The following RSPH6A variants were observed in gnomAD, a reference collection of about 807,000 sequenced individuals.
RSPH6A encodes radial spoke head 6 homolog A.
Under a neutral mutation model 66.1 loss-of-function variants are expected in RSPH6A, and 49 were observed. The ratio of observed to expected loss-of-function variants is 0.74; its 90% CI spans 0.59 to 0.94. The LOEUF (loss-of-function observed/expected upper bound fraction) is 0.94, where lower values mean the gene tolerates loss of function less well. Among genes scored for constraint, RSPH6A ranks in the 40% least tolerant of loss-of-function variants. The probability of loss-of-function intolerance (pLI) is 0.00; values close to 1 mark genes in which losing one functional copy is unlikely to be tolerated. For missense variants in RSPH6A, 977 were observed against 948.3 expected (o/e 1.03, Z -0.40); for synonymous variants, 419 against 402.4 (o/e 1.04, Z -0.49).
chr19:45,805,805 C>T (rs1970536810), intron 2 of RSPH6A, among the ~76,000 whole-genome samples: 1 of 152,018 alleles, frequency 6.6e-6, no homozygotes, highest in African/African-American at 2.4e-5. Flanking sequence ...CAGGATGTCC[C>T]TGATGGAGAA....
Position 45,815,228 on chromosome 19 carries a change from C to A in RSPH6A, c.-52G>T, listed in dbSNP as rs779845890. 20 of 1,481,170 alleles carry A rather than the reference C, an allele frequency of 1.4e-5. No individual in the cohort carries two copies. Among genetic ancestry groups the A allele is most frequent in the Non-Finnish European group, 1.8e-5 (20 of 1,118,862 alleles). 91.8% of individuals were successfully genotyped at this position (1,481,170 alleles called of 1,614,324 possible). A position where few individuals can be genotyped will look rare whatever the true frequency, so the allele number is the denominator to read the frequency against. On this transcript the variant is annotated 5_prime_UTR_variant, in exon 1 of 6. Coordinates refer to ENST00000221538, the MANE Select transcript of RSPH6A (RefSeq NM_030785.4). ...GGAGAAAGGCTTGCAGACAAGGAGG[C>A]CAAGCGAGAGCCACCTGTCGACACC...
intron 2 of RSPH6A, among the ~76,000 whole-genome samples, chr19:45,808,673 T>A (rs1371461198): frequency 6.7e-6 from 1 of 149,078 alleles, no homozygotes; most frequent in East Asian, 2.0e-4. Flanking sequence ...TTTTTTTTTT[T>A]TTTTTTTAGA....
At chr19:45,802,033 G>T in intron 4 of RSPH6A, 87 bp downstream of exon 4, 1 of 1,284,348 alleles carries the variant, frequency 7.8e-7, no homozygotes, top group Non-Finnish European at 1.0e-6. Context: ...AAGGACCGGG[G>T]AGATGGACCC....
At position 45,804,720 on chromosome 19, in the gene RSPH6A, G is replaced by C; in HGVS notation, c.1185C>G (p.Asp395Glu). The stretch of plus-strand genomic sequence containing the variant: ...GGACGATGTCCACGGCCTTCTCCTC[G>C]TCCTCCTCGCCCTCCTCCTCGCCGT... ...EAHGEEEGEEDEEKAVDIVPK... is the reference protein window; with the variant it reads ...EAHGEEEGEEEEEKAVDIVPK... Residue 395 changes from aspartate (D) to glutamate (E), a missense_variant, in exon 3 of 6, where the codon GAC becomes GAG. Transcript: ENST00000221538. The surrounding 1 kb of genome is among the most constrained non-coding windows in gnomAD (Gnocchi z 5.8). 1 of 1,612,506 alleles carries C rather than the reference G, an allele frequency of 6.2e-7. No homozygotes were observed. The highest frequency in any genetic ancestry group is 8.5e-7 in the Non-Finnish European group (1 of 1,179,510).
chr19:45,796,158 G>A, intron 5 of RSPH6A, 52 bp from the exon 6 acceptor site: 2 of 1,133,336 alleles, frequency 1.8e-6, no homozygotes, highest in Non-Finnish European at 2.4e-6. Context: ...CCCCAGACTT[G>A]ACTTTTTTTT....
In RSPH6A at chr19:45,804,001, AAAAAAGAAAAG is replaced by A. The variant is rs1459610281; in HGVS notation, c.1653+240_1653+250del. Among the ~76,000 whole-genome samples the A allele has an allele frequency of 4.9e-4, 74 of 151,968 alleles. No individual in the cohort carries two copies. The highest frequency in any genetic ancestry group is 9.3e-4 in the Non-Finnish European group (63 of 67,982). Reference sequence around the variant, plus strand: ...AGAGCGAGACTCTGTCTCAAAAAAAAAAAAAGAAAAGAAAAGAAAAGAAAAAGAAAAAAAAG... The same window carrying A: ...AGAGCGAGACTCTGTCTCAAAAAAAAAAAAGAAAAGAAAAAGAAAAAAAAG... On this transcript the variant is annotated intron_variant, in intron 3 of 5. Coordinates refer to ENST00000221538, the MANE Select transcript of RSPH6A (RefSeq NM_030785.4). The surrounding 1 kb of genome is among the most constrained non-coding windows in gnomAD (Gnocchi z 5.8).
chr19:45,804,915 C>T lies in RSPH6A; in HGVS notation c.990G>A (p.Met330Ile). The T allele has an allele frequency of 6.2e-7, 1 of 1,614,234 alleles. No homozygotes were observed. The highest frequency in any genetic ancestry group is 1.3e-5 in the African/African-American group (1 of 75,064). ...TGGGCTGCTGCTCCACCAGCTGTTT[C>T]ATGGCCAGGAAAATGCGGAAGCTCT... The part of the protein sequence containing the change: ...SDESFRIFLA[M>I]KQLVEQQPIH... The change falls in exon 3 of 6, where the codon ATG (methionine) becomes ATA (isoleucine). Residue 330 changes from methionine to isoleucine, a missense_variant. By Grantham distance (10) the Met-to-Ile change is conservative (BLOSUM62 1). Coordinates refer to ENST00000221538, the MANE Select transcript of RSPH6A (RefSeq NM_030785.4). The surrounding 1 kb of genome is among the most constrained non-coding windows in gnomAD (Gnocchi z 5.8).
Position 45,801,795 on chromosome 19 carries a change from A to AC in RSPH6A, c.1798+324dup, listed in dbSNP as rs1173082946. On this transcript the variant is annotated intron_variant, in intron 4 of 5. Transcript: ENST00000221538. Reference sequence around the variant, plus strand: ...CAATGACAACAACACCACCACCACCACACACACACACACACACATACACAC... The same window carrying AC: ...CAATGACAACAACACCACCACCACCACCACACACACACACACACATACACAC... Among the ~76,000 whole-genome samples, 5 of 149,570 alleles carry AC rather than the reference A, an allele frequency of 3.3e-5. No individual in the cohort carries two copies. In the South Asian group the frequency reaches 8.5e-4, roughly 25 times the overall value.
At position 45,814,834 on chromosome 19, in the gene RSPH6A, T is replaced by C. The variant is rs201345094; in HGVS notation, c.343A>G (p.Thr115Ala). 1.4e-5 allele frequency: 22 copies of C among 1,614,028 alleles called. No homozygotes were observed. The Admixed American group carries it at 2.0e-4, about 15-fold the overall frequency. Residue 115 changes from threonine to alanine, a missense_variant, in exon 1 of 6, where the codon ACC becomes GCC. Transcript: ENST00000221538. ...DESRMQVAELTTSLMLQRLQQ... is the reference protein window; with the variant it reads ...DESRMQVAELATSLMLQRLQQ... ...AGCCGCTGCAGCATTAGGCTGGTGG[T>C]GAGCTCGGCGACCTGCATCCTGCTT...
Position 45,800,575 on chromosome 19 carries a change from A to AGGCAGCAGAGGGG in RSPH6A, c.1799-25_1799-13dup. The AGGCAGCAGAGGGG allele has an allele frequency of 1.2e-6, 2 of 1,604,662 alleles. No individual in the cohort carries two copies. The highest frequency in any genetic ancestry group is 2.2e-5 in the South Asian group (2 of 90,434). ...CAGGTGCATGATTTCTGTGGTGGAG[A>AGGCAGCAGAGGGG]GGCAGCAGAGGGGGGCAGCAGGGTC... On this transcript the variant is annotated splice_polypyrimidine_tract_variant and intron_variant, in intron 4 of 5. Coordinates refer to ENST00000221538, the MANE Select transcript of RSPH6A (RefSeq NM_030785.4).
intron 1 of RSPH6A, among the ~76,000 whole-genome samples, chr19:45,811,107 C>T (rs897614902): frequency 6.6e-6 from 1 of 152,190 alleles, no homozygotes; most frequent in Non-Finnish European, 1.5e-5. Context: ...AATTCTCCTG[C>T]CTCAGCCTCC....
chr19:45,810,931 T>C, intron 1 of RSPH6A, 91 bp from the exon 2 acceptor site: 1 of 1,026,802 alleles, frequency 9.7e-7, no homozygotes. Flanking sequence ...TGCCTGGTGC[T>C]GGGGACACAG....
chr19:45,812,571 A>G (rs927261801), intron 1 of RSPH6A, among the ~76,000 whole-genome samples: 6 of 152,138 alleles, frequency 3.9e-5, no homozygotes, highest in African/African-American at 1.4e-4. Flanking sequence ...GAAGCTCTGA[A>G]GAGCTGGCAC....
In RSPH6A at chr19:45,806,398, C is replaced by T. The variant is rs561360300; in HGVS notation, c.889-1382G>A. On this transcript the variant is annotated intron_variant, in intron 2 of 5. Coordinates refer to ENST00000221538, the MANE Select transcript of RSPH6A (RefSeq NM_030785.4). ...GAAGCCAGCAAAGTTTATGGCTGGG[C>T]GCAGTGATTCACGCCTGTAATCCCA... is the stretch of plus-strand genomic sequence containing the variant. Among the ~76,000 whole-genome samples the T allele has an allele frequency of 1.2e-4, 18 of 152,020 alleles. No homozygotes were observed. The South Asian group carries it at 3.1e-3, about 26-fold the overall frequency.
chr19:45,809,300 CTTTTTT>C (rs56341608), intron 2 of RSPH6A, among the ~76,000 whole-genome samples: 8 of 70,776 alleles, frequency 1.1e-4, no homozygotes, highest in Non-Finnish European at 1.5e-4. Context: ...TGCGCCTGGC[CTTTTTT>C]TTTTTTTTTT....
chr19:45,805,892 T>A (rs1970537741), intron 2 of RSPH6A, among the ~76,000 whole-genome samples: 1 of 152,174 alleles, frequency 6.6e-6, no homozygotes, highest in African/African-American at 2.4e-5. Context: ...GGAATGGGGA[T>A]ATAAGATCTG....
rs1018226188 is a variant in RSPH6A at position 45,805,811 on chromosome 19, GAGA to G, written c.889-798_889-796del. On this transcript the variant is annotated intron_variant, in intron 2 of 5. Transcript: ENST00000221538. ...GCCCTTGGACAGGATGTCCCTGATG[GAGA>G]AGAAAAGGGAAAACCACACTAGGAG... 1.1e-3 allele frequency among the ~76,000 whole-genome samples: 169 copies of G among 152,300 alleles called. 1 individual carries two copies. Among genetic ancestry groups the G allele is most frequent in the African/African-American group, 3.4e-3 (141 of 41,580 alleles).
At chr19:45,800,416 C>A in intron 5 of RSPH6A, 30 bp downstream of exon 5, 2 of 1,594,784 alleles carry the variant, frequency 1.3e-6, no homozygotes, top group Non-Finnish European at 8.6e-7. Flanking sequence ...GAGAGATTCT[C>A]CTGCTGGGAG....
Position 45,811,750 on chromosome 19 carries a change from T to TAATTATTA in RSPH6A, c.651-911_651-910insTAATAATT, listed in dbSNP as rs151178212. Reference sequence around the variant, plus strand: ...CGCACCTGGCCAACATTTGTATTATTATTATTATTATTATTATTATTATTA... The same window carrying TAATTATTA: ...CGCACCTGGCCAACATTTGTATTATTAATTATTAATTATTATTATTATTATTATTATTA... On this transcript the variant is annotated intron_variant, in intron 1 of 5. Transcript: ENST00000221538. 4.5e-5 allele frequency among the ~76,000 whole-genome samples: 2 copies of TAATTATTA among 44,510 alleles called. 1 individual carries two copies. The highest frequency in any genetic ancestry group is 1.2e-4 in the Non-Finnish European group (2 of 17,256). 29.2% of individuals were successfully genotyped at this position (44,510 alleles called of 152,430 possible). A position where few individuals can be genotyped will look rare whatever the true frequency, so the allele number is the denominator to read the frequency against.
Sources: allele counts gnomAD v4.1 joint callset (sites outside exome capture counted in the v4.1 genomes callset), GRCh38; gene constraint gnomAD v4.1.1; non-coding constraint Gnocchi (gnomAD v3.1); transcripts MANE v1.5; gene names NCBI Gene and HGNC (gene_info 2026-07-23, HGNC 2026-07-21).